The following MAST4 variants were observed in gnomAD, a reference collection of about 807,000 sequenced individuals.
The protein encoded by MAST4 is microtubule-associated serine/threonine-protein kinase 4.
MAST4 carries 89 observed loss-of-function variants against 162.7 expected under a neutral mutation model. That is an observed-to-expected ratio of 0.55 (90% CI 0.46 to 0.65). The LOEUF (loss-of-function observed/expected upper bound fraction) is 0.65, where lower values mean the gene tolerates loss of function less well. Among genes scored for constraint, MAST4 ranks in the 30% least tolerant of loss-of-function variants. MAST4 has a pLI of 0.00. For synonymous variants in MAST4, 1,479 were observed against 1,361.1 expected (o/e 1.09, Z -1.91); for missense variants, 3,153 against 3,374.0 (o/e 0.93, Z 1.62).
At chr5:66,976,522 G>A (rs147598084) in intron 4 of MAST4, among the ~76,000 whole-genome samples, 1 of 152,256 alleles carries the variant, frequency 6.6e-6, no homozygotes, top group African/African-American at 2.4e-5. Context: ...GAACTAGCTT[G>A]ACTGAAGTGT....
chr5:66,894,156 G>A (rs461246), intron 3 of MAST4, among the ~76,000 whole-genome samples: 80,353 of 152,012 alleles, frequency 0.53, 21,577 homozygotes, highest in Middle Eastern at 0.6. Context: ...CCCTAAAGAG[G>A]AAAACAATCC....
intron 3 of MAST4, among the ~76,000 whole-genome samples, chr5:66,861,946 G>GTAT (rs1309857590): frequency 3.9e-5 from 6 of 152,134 alleles, no homozygotes; most frequent in African/African-American, 1.4e-4. Flanking sequence ...GTTTCACATA[G>GTAT]GAACCTGTGT....
At chr5:67,039,965 A>G (rs1372199951) in intron 4 of MAST4, among the ~76,000 whole-genome samples, 1 of 149,320 alleles carries the variant, frequency 6.7e-6, no homozygotes, top group Non-Finnish European at 1.5e-5. Flanking sequence ...GAGATTTTAT[A>G]TATATATATA....
In MAST4 at chr5:66,886,108, C is replaced by G. The variant is rs60772504; in HGVS notation, c.643-13843C>G. On this transcript the variant is annotated intron_variant, in intron 3 of 28. Transcript: ENST00000403625. Reference sequence around the variant, plus strand: ...TCACTTTGGCATGCAGACTCCCAAACCAGACTTCTGAGCCACTCTGCCAGG... The same window carrying G: ...TCACTTTGGCATGCAGACTCCCAAAGCAGACTTCTGAGCCACTCTGCCAGG... Among the ~76,000 whole-genome samples, 1,382 of 152,288 alleles carry G rather than the reference C, an allele frequency of 9.1e-3. 22 individuals are homozygous for G. Among genetic ancestry groups the G allele is most frequent in the African/African-American group, 0.031 (1,297 of 41,572 alleles).
At chr5:66,886,059 C>T (rs532496350) in intron 3 of MAST4, among the ~76,000 whole-genome samples, 55 of 152,178 alleles carry the variant, frequency 3.6e-4, no homozygotes, top group African/African-American at 1.3e-3. Flanking sequence ...TACCCAAGGC[C>T]GTATGGAAAG....
chr5:67,117,162 T>C (rs1345342802), intron 12 of MAST4, among the ~76,000 whole-genome samples: 4 of 152,256 alleles, frequency 2.6e-5, no homozygotes, highest in Non-Finnish European at 5.9e-5. Context: ...TAAATACTAC[T>C]AATTTTTGCC....
chr5:66,805,136 C>T (rs900517023), intron 3 of MAST4, among the ~76,000 whole-genome samples: 1 of 152,136 alleles, frequency 6.6e-6, no homozygotes. Context: ...TAGTGTTTAA[C>T]CTGTTTGGAA....
chr5:66,908,420 T>C (rs1763527577), intron 4 of MAST4, among the ~76,000 whole-genome samples: 1 of 152,152 alleles, frequency 6.6e-6, no homozygotes, highest in Non-Finnish European at 1.5e-5. Context: ...AATCAGAATC[T>C]AGTGTGTATT....
intron 4 of MAST4, among the ~76,000 whole-genome samples, chr5:66,966,061 A>G (rs186481833): frequency 5.3e-5 from 8 of 152,318 alleles, no homozygotes; most frequent in Admixed American, 5.2e-4. Context: ...GTTTCATTCC[A>G]TTTAATCCAC....
At chr5:67,053,828 G>C (rs938488185) in intron 4 of MAST4, among the ~76,000 whole-genome samples, 1 of 152,016 alleles carries the variant, frequency 6.6e-6, no homozygotes, top group African/African-American at 2.4e-5. Flanking sequence ...TAATACACTG[G>C]GATCTGATTT....
chr5:67,107,561 G>A (rs763195022), intron 10 of MAST4, among the ~76,000 whole-genome samples: 4 of 152,100 alleles, frequency 2.6e-5, no homozygotes, highest in Non-Finnish European at 5.9e-5. Flanking sequence ...CATTGCAGAG[G>A]GGCCTGCCCT....
At chr5:67,070,776 A>ATAG (rs1760860654) in intron 5 of MAST4, among the ~76,000 whole-genome samples, 1 of 152,204 alleles carries the variant, frequency 6.6e-6, no homozygotes. Flanking sequence ...ACAGTATGAT[A>ATAG]GCAAGATAGG....
chr5:66,861,472 G>T (rs1404474599), intron 3 of MAST4, among the ~76,000 whole-genome samples: 1 of 152,200 alleles, frequency 6.6e-6, no homozygotes, highest in Non-Finnish European at 1.5e-5. Context: ...GGAAGCTGAG[G>T]CTCTGCTAGG....
chr5:66,786,679 C>G (rs182747063), intron 2 of MAST4, among the ~76,000 whole-genome samples: 249 of 152,184 alleles, frequency 1.6e-3, no homozygotes, highest in African/African-American at 5.5e-3. Flanking sequence ...TACAGGGGAC[C>G]GATTTCTCAA....
chr5:66,930,860 T>C (rs1002148646), intron 4 of MAST4: 2 of 462,396 alleles, frequency 4.3e-6, no homozygotes, highest in Non-Finnish European at 8.9e-6. Flanking sequence ...CAGAGATGGA[T>C]AGAATTGTTG....
At chr5:66,710,067 C>T (rs1484355164) in intron 1 of MAST4, among the ~76,000 whole-genome samples, 3 of 152,186 alleles carry the variant, frequency 2.0e-5, no homozygotes, top group Non-Finnish European at 1.5e-5. Context: ...TTGCTGAAGT[C>T]GGCCCTTGCC....
At position 66,943,908 on chromosome 5, in the gene MAST4, C is replaced by G. The variant is rs536030123; in HGVS notation, c.674+43926C>G. 2.6e-5 allele frequency among the ~76,000 whole-genome samples: 4 copies of G among 152,198 alleles called. No individual in the cohort carries two copies. In the East Asian group the frequency reaches 7.7e-4, roughly 29 times the overall value. The stretch of plus-strand genomic sequence containing the variant: ...GGTGTGTTTTGTATTCACTGGTCTT[C>G]TCTGATGAGTCAATTTCCATTTTTA... On this transcript the variant is annotated intron_variant, in intron 4 of 28. Transcript: ENST00000403625.
intron 10 of MAST4, among the ~76,000 whole-genome samples, chr5:67,107,462 G>A (rs537438290): frequency 1.2e-3 from 185 of 152,348 alleles, no homozygotes; most frequent in Non-Finnish European, 2.0e-3. Context: ...TAGCTTTGCA[G>A]ATAAAGAGCT....
At chr5:67,108,047 T>A (rs1765792791) in intron 10 of MAST4, among the ~76,000 whole-genome samples, 1 of 152,230 alleles carries the variant, frequency 6.6e-6, no homozygotes, top group African/African-American at 2.4e-5. Flanking sequence ...CTTAAGTTAT[T>A]AGATAAAATA....
Sources: allele counts gnomAD v4.1 joint callset (sites outside exome capture counted in the v4.1 genomes callset), GRCh38; gene constraint gnomAD v4.1.1; transcripts MANE v1.5; gene names NCBI Gene and HGNC (gene_info 2026-07-23, HGNC 2026-07-21).